The following ZNF718 variants were observed in gnomAD, a reference collection of about 807,000 sequenced individuals.
ZNF718 encodes zinc finger protein 718.
A neutral mutation model predicts 2.6 loss-of-function variants in ZNF718; 3 were observed. The observed-to-expected ratio is 1.16, with a 90% CI of 0.53 to 3.01. The LOEUF is 3.01. Among genes scored for constraint, ZNF718 ranks in the 30% most tolerant of loss-of-function variants. The probability of loss-of-function intolerance (pLI) is 0.03; values close to 1 mark genes in which losing one functional copy is unlikely to be tolerated. For synonymous variants in ZNF718, 135 were observed against 77.9 expected (o/e 1.73, Z -3.86); for missense variants, 468 against 230.0 (o/e 2.03, Z -6.69).
intron 3 of ZNF718, among the ~76,000 whole-genome samples, chr4:195,896 AG>A (rs1717780855): frequency 6.6e-6 from 1 of 152,122 alleles, no homozygotes; most frequent in Non-Finnish European, 1.5e-5. Flanking sequence ...TGGCTTTTAA[AG>A]GAATAGGGCA....
downstream of ZNF718, among the ~76,000 whole-genome samples, chr4:167,516 T>G (rs1365426442): frequency 6.6e-6 from 1 of 152,192 alleles, no homozygotes; most frequent in Non-Finnish European, 1.5e-5. Flanking sequence ...TGTATCCTGT[T>G]TTATTTCATT....
At chr4:159,530 T>C (rs186927981) in intron 3 of ZNF718, among the ~76,000 whole-genome samples, 42 of 152,292 alleles carry the variant, frequency 2.8e-4, no homozygotes, top group African/African-American at 9.6e-4. Context: ...TTGTTATAAA[T>C]CTCTATGTGT....
intron 3 of ZNF718, among the ~76,000 whole-genome samples, chr4:144,707 T>C (rs1396205048): frequency 1.3e-5 from 2 of 152,206 alleles, no homozygotes; most frequent in Non-Finnish European, 2.9e-5. Context: ...GTATTCATCA[T>C]AGAGATCTTT....
rs181264253 is a variant in ZNF718 at position 157,753 on chromosome 4, C to T, written c.227-3159C>T. 5.9e-5 allele frequency among the ~76,000 whole-genome samples: 9 copies of T among 152,026 alleles called. No individual in the cohort carries two copies. In the East Asian group the frequency reaches 1.4e-3, roughly 23 times the overall value. On this transcript the variant is annotated intron_variant, in intron 3 of 3. Transcript: ENST00000510175. Reference sequence around the variant, plus strand: ...GTTGAGGGTCTTTTTGTGGCCTAACCGGTGGTTTATCAAGAAGACTTTTGT... The same window carrying T: ...GTTGAGGGTCTTTTTGTGGCCTAACTGGTGGTTTATCAAGAAGACTTTTGT...
chr4:140,007 G>T (rs542836268), intron 3 of ZNF718, among the ~76,000 whole-genome samples: 2 of 152,078 alleles, frequency 1.3e-5, no homozygotes, highest in Non-Finnish European at 2.9e-5. Context: ...CTGCCCAGAA[G>T]GGGGAATGAC....
At chr4:194,463 G>T (rs1717752999) in intron 3 of ZNF718, among the ~76,000 whole-genome samples, 1 of 152,186 alleles carries the variant, frequency 6.6e-6, no homozygotes, top group African/African-American at 2.4e-5. Flanking sequence ...TCTACACTGG[G>T]ACCTGCCTGC....
chr4:169,605 A>G (rs2108809192), intron 3 of ZNF718, among the ~76,000 whole-genome samples: 1 of 152,308 alleles, frequency 6.6e-6, no homozygotes, highest in South Asian at 2.1e-4. Flanking sequence ...CCATTATGTA[A>G]TGACCTTCTT....
intron 3 of ZNF718, among the ~76,000 whole-genome samples, chr4:192,680 A>G (rs1348844983): frequency 6.6e-6 from 1 of 152,158 alleles, no homozygotes; most frequent in Non-Finnish European, 1.5e-5. Context: ...CTTCAATGTC[A>G]TCAACATCAG....
chr4:170,739 GC>G (rs1417456211), intron 3 of ZNF718, among the ~76,000 whole-genome samples: 1 of 151,978 alleles, frequency 6.6e-6, no homozygotes, highest in Admixed American at 6.6e-5. Flanking sequence ...ATTCTAGTTA[GC>G]CATTCGTCTA....
At chr4:195,317 C>T (rs1717769828) in intron 3 of ZNF718, among the ~76,000 whole-genome samples, 1 of 152,184 alleles carries the variant, frequency 6.6e-6, no homozygotes, top group African/African-American at 2.4e-5. Context: ...ATTCTCCTAA[C>T]TCTGCTTCCA....
At chr4:157,164 G>A (rs1224481108) in intron 3 of ZNF718, among the ~76,000 whole-genome samples, 4 of 130,224 alleles carry the variant, frequency 3.1e-5, no homozygotes, top group African/African-American at 1.2e-4. Context: ...CCACGCTGGA[G>A]TGCAATGGTG....
At chr4:159,539 G>C (rs1037590058) in intron 3 of ZNF718, among the ~76,000 whole-genome samples, 8 of 152,066 alleles carry the variant, frequency 5.3e-5, no homozygotes, top group Non-Finnish European at 1.0e-4. Flanking sequence ...ATCTCTATGT[G>C]TGTATCCTAG....
rs1450380921 is a variant in ZNF718 at position 132,593 on chromosome 4, G to C, written c.226+1088G>C. Among the ~76,000 whole-genome samples, 25 of 104,636 alleles carry C rather than the reference G, an allele frequency of 2.4e-4. 7 individuals carry two copies. The highest frequency in any genetic ancestry group is 7.3e-4 in the African/African-American group (22 of 30,270). 68.6% of individuals were successfully genotyped at this position (104,636 alleles called of 152,430 possible). ...AGAGATCCCAGGAACACCAGAGACA[G>C]TTGTTGCAGGTATTGCATCTTTTCT... On this transcript the variant is annotated intron_variant, in intron 3 of 3. Transcript: ENST00000510175.
At chr4:134,055 A>G (rs1439677676) in intron 3 of ZNF718, among the ~76,000 whole-genome samples, 3 of 152,220 alleles carry the variant, frequency 2.0e-5, no homozygotes, top group African/African-American at 7.2e-5. Context: ...AGTTACAACT[A>G]AAAATTTGTA....
downstream of ZNF718, among the ~76,000 whole-genome samples, chr4:166,906 T>G (rs1302583825): frequency 6.6e-6 from 1 of 152,222 alleles, no homozygotes; most frequent in Admixed American, 6.5e-5. Flanking sequence ...CTTTGGTGTT[T>G]TAGACATGAA....
Position 177,841 on chromosome 4 carries a change from G to T in ZNF718, c.227-23240G>T, listed in dbSNP as rs894910125. Among the ~76,000 whole-genome samples, 9 of 151,974 alleles carry T rather than the reference G, an allele frequency of 5.9e-5. No individual in the cohort carries two copies. In the South Asian group the frequency reaches 1.7e-3, roughly 28 times the overall value. On this transcript the variant is annotated intron_variant and NMD_transcript_variant, in intron 3 of 4. Coordinates refer to the ZNF718 transcript ENST00000642529. The stretch of plus-strand genomic sequence containing the variant: ...GCCCCTAAACTCAAAGATTTTTAGG[G>T]TCTCAATCTGTTGAGGGGAGAATGT...
rs1321760837 is a variant in ZNF718 at position 128,595 on chromosome 4, C to T, written c.4-2193C>T. ...CCAGGACAGCGCCATTTTCTGTTTG[C>T]ACCACACAAAGTCAGCCTGAGTGTC... On this transcript the variant is annotated intron_variant, in intron 1 of 3. Coordinates refer to ENST00000510175, the MANE Select transcript of ZNF718 (RefSeq NM_001039127.6). Among the ~76,000 whole-genome samples, 15 of 102,320 alleles carry T rather than the reference C, an allele frequency of 1.5e-4. 4 individuals are homozygous for T. The highest frequency in any genetic ancestry group is 5.1e-4 in the African/African-American group (15 of 29,440). The allele number at this position is 102,320 out of a possible 152,430, so 67.1% of individuals were successfully genotyped here.
intron 3 of ZNF718, among the ~76,000 whole-genome samples, chr4:192,141 G>T (rs548659241): frequency 1.3e-5 from 2 of 152,164 alleles, no homozygotes; most frequent in African/African-American, 4.8e-5. Context: ...GTGGGTCTGC[G>T]ATGGTGGTGA....
intron 3 of ZNF718, among the ~76,000 whole-genome samples, chr4:187,779 G>A (rs1031035308): frequency 6.6e-6 from 1 of 151,180 alleles, no homozygotes; most frequent in Non-Finnish European, 1.5e-5. Flanking sequence ...ACTGTACTGT[G>A]TTGGGGGGAT....
Sources: gnomAD v4.1 joint callset for allele counts (sites outside exome capture counted in the v4.1 genomes callset) on GRCh38, gnomAD v4.1.1 for gene constraint, MANE v1.5 for transcripts, NCBI Gene and HGNC (gene_info 2026-07-23, HGNC 2026-07-21) for gene names.